Variants in RBPMS observed in about 807,000 individuals in gnomAD.
RBPMS encodes RNA-binding protein with multiple splicing.
RBPMS carries 7 observed loss-of-function variants against 26.8 expected under a neutral mutation model. The ratio of observed to expected loss-of-function variants is 0.26; its 90% CI spans 0.15 to 0.49. RBPMS has a LOEUF of 0.49. RBPMS is among the 20% of genes least tolerant of loss of function. RBPMS has a pLI of 0.98. For missense variants in RBPMS, 186 were observed against 250.0 expected, an observed-to-expected ratio of 0.74 and a Z score of 1.73; for synonymous variants, 96 against 93.3, an observed-to-expected ratio of 1.03 and a Z score of -0.17.
At chr8:30,407,658 A>G (rs933222279) in intron 1 of RBPMS, among the ~76,000 whole-genome samples, 2 of 10,424 alleles carry the variant, frequency 1.9e-4, no homozygotes, top group African/African-American at 8.4e-4. Flanking sequence ...TGATGGTCAC[A>G]AGGGGACCTT....
Position 30,389,549 on chromosome 8 carries a change from A to C in RBPMS, c.66+4391A>C, listed in dbSNP as rs996759937. Among the ~76,000 whole-genome samples, 73 of 152,230 alleles carry C rather than the reference A, an allele frequency of 4.8e-4. 1 individual carries two copies. On this transcript the variant is annotated intron_variant, in intron 1 of 8. Coordinates refer to ENST00000397323, the MANE Select transcript of RBPMS (RefSeq NM_001008710.3). Reference sequence around the variant, plus strand: ...TAGCTTTTCAGAAAGGAGTGACACTATCAAAATGTGTTCAGGCCCTTTGAT... The same window carrying C: ...TAGCTTTTCAGAAAGGAGTGACACTCTCAAAATGTGTTCAGGCCCTTTGAT...
At chr8:30,525,307 A>T (rs1409404538) in intron 5 of RBPMS, among the ~76,000 whole-genome samples, 2 of 152,182 alleles carry the variant, frequency 1.3e-5, no homozygotes, top group Non-Finnish European at 1.5e-5. Context: ...AAACTATGTG[A>T]TTCTTTTAAC....
At chr8:30,545,580 G>A (rs1248348331) in intron 6 of RBPMS, 10 of 359,012 alleles carry the variant, frequency 2.8e-5, no homozygotes, top group African/African-American at 4.4e-5. Context: ...GTTTTGCTCA[G>A]TGTTTGTTTA....
intron 1 of RBPMS, among the ~76,000 whole-genome samples, chr8:30,452,554 A>G (rs1814711863): frequency 6.6e-6 from 1 of 152,212 alleles, no homozygotes; most frequent in South Asian, 2.1e-4. Flanking sequence ...TCTTAAAAAT[A>G]CTGCTAGTGA....
At chr8:30,500,733 G>C (rs1820474799) in intron 4 of RBPMS, among the ~76,000 whole-genome samples, 1 of 152,122 alleles carries the variant, frequency 6.6e-6, no homozygotes, top group South Asian at 2.1e-4. Flanking sequence ...AACAGGTTTT[G>C]TCACTTTAGG....
chr8:30,419,447 A>G (rs1810480014), intron 1 of RBPMS, among the ~76,000 whole-genome samples: 1 of 45,912 alleles, frequency 2.2e-5, no homozygotes, highest in South Asian at 4.2e-4. Context: ...TTGCATCTCA[A>G]AAATGTGTGT....
chr8:30,430,037 G>GT (rs1048263898), intron 1 of RBPMS, among the ~76,000 whole-genome samples: 4 of 152,140 alleles, frequency 2.6e-5, no homozygotes, highest in African/African-American at 9.7e-5. Context: ...AGCCCTTTGG[G>GT]AAGCCGAGGC....
intron 5 of RBPMS, among the ~76,000 whole-genome samples, chr8:30,507,277 A>T (rs542711993): frequency 6.6e-6 from 1 of 152,338 alleles, no homozygotes; most frequent in African/African-American, 2.4e-5. Flanking sequence ...TTGTGCTCCT[A>T]TTCTCTCAGC....
chr8:30,561,330 AG>A (rs907307478), intron 7 of RBPMS, among the ~76,000 whole-genome samples: 32 of 152,192 alleles, frequency 2.1e-4, no homozygotes, highest in African/African-American at 7.7e-4. Flanking sequence ...TTGGTTGCAT[AG>A]GAACCTCCCC....
intron 1 of RBPMS, among the ~76,000 whole-genome samples, chr8:30,413,787 A>T (rs542723414): frequency 4.6e-5 from 7 of 151,998 alleles, no homozygotes; most frequent in African/African-American, 1.7e-4. Flanking sequence ...CTAATTTTGT[A>T]TTTTTAGTAG....
intron 4 of RBPMS, among the ~76,000 whole-genome samples, chr8:30,480,853 C>T (rs2150850528): frequency 6.6e-6 from 1 of 152,316 alleles, no homozygotes; most frequent in South Asian, 2.1e-4. Flanking sequence ...TGGGAACCTT[C>T]TAAATGCAGA....
chr8:30,500,581 G>A (rs370242948), intron 4 of RBPMS, among the ~76,000 whole-genome samples: 1 of 152,132 alleles, frequency 6.6e-6, no homozygotes, highest in African/African-American at 2.4e-5. Context: ...ACTGTATCAG[G>A]TATGAGGGTG....
chr8:30,452,507 ATTTG>A lies in RBPMS; in HGVS notation c.67-22269_67-22266del, dbSNP rs1366095632. ...AGAAGAACATGATCATTGTAAGTAT[ATTTG>A]TTATCTCTCCTACCTCCACCCCCTA... On this transcript the variant is annotated intron_variant, in intron 1 of 8. Transcript: ENST00000397323. Among the ~76,000 whole-genome samples the A allele has an allele frequency of 2.6e-4, 40 of 152,296 alleles. No homozygotes were observed. The East Asian group carries it at 7.7e-3, about 29-fold the overall frequency.
At chr8:30,389,678 G>A (rs1807551716) in intron 1 of RBPMS, among the ~76,000 whole-genome samples, 1 of 152,094 alleles carries the variant, frequency 6.6e-6, no homozygotes, top group South Asian at 2.1e-4. Flanking sequence ...CAATTCAGAG[G>A]CACTCTATCT....
At chr8:30,512,539 G>C (rs1221927238) in intron 5 of RBPMS, among the ~76,000 whole-genome samples, 1 of 151,926 alleles carries the variant, frequency 6.6e-6, no homozygotes, top group East Asian at 1.9e-4. Context: ...GAGTACAGTG[G>C]TGCAATCATA....
chr8:30,505,577 CCTT>C (rs1364092677), intron 5 of RBPMS, among the ~76,000 whole-genome samples: 1 of 152,158 alleles, frequency 6.6e-6, no homozygotes, highest in African/African-American at 2.4e-5. Context: ...TGTTCTTTCA[CCTT>C]CTTTGTCCCA....
In RBPMS at chr8:30,384,815, G is replaced by A. The variant is rs1806806794; in HGVS notation, c.-278G>A. 3.3e-6 allele frequency: 1 copy of A among 304,780 alleles called. No individual in the cohort carries two copies. Among genetic ancestry groups the A allele is most frequent in the Non-Finnish European group, 6.0e-6 (1 of 166,718 alleles). 18.9% of individuals were successfully genotyped at this position (304,780 alleles called of 1,614,324 possible). On this transcript the variant is annotated 5_prime_UTR_variant, in exon 1 of 9. Coordinates refer to ENST00000397323, the MANE Select transcript of RBPMS (RefSeq NM_001008710.3). This position sits in a 1 kb window ranked among gnomAD's most constrained non-coding sequence, Gnocchi z 5.6. ...CTCCCTCTCCAGGTCGCCCTCCCGG[G>A]GCCCGATTGTCTCGGTGCCCCGCTC...
chr8:30,556,816 TC>T, intron 6 of RBPMS: 1 of 981,292 alleles, frequency 1.0e-6, no homozygotes, highest in Non-Finnish European at 1.2e-6. Flanking sequence ...TTCTTTCTTC[TC>T]CCCACCTCTG....
intron 5 of RBPMS, among the ~76,000 whole-genome samples, chr8:30,527,230 A>C (rs1389506846): frequency 6.6e-6 from 1 of 152,152 alleles, no homozygotes; most frequent in African/African-American, 2.4e-5. Flanking sequence ...CTCATTCTAT[A>C]TTTGTAGCAG....
Sources: allele counts gnomAD v4.1 joint callset (sites outside exome capture counted in the v4.1 genomes callset), GRCh38; gene constraint gnomAD v4.1.1; non-coding constraint Gnocchi (gnomAD v3.1); transcripts MANE v1.5; gene names NCBI Gene and HGNC (gene_info 2026-07-23, HGNC 2026-07-21).